ECD: variants seen among roughly 807,000 people sequenced by gnomAD.
The protein encoded by ECD is ecdysoneless cell cycle regulator.
In ECD, 59 loss-of-function variants were observed where a neutral mutation model predicts 77.2. The ratio of observed to expected loss-of-function variants is 0.76; its 90% CI spans 0.62 to 0.95. The LOEUF (loss-of-function observed/expected upper bound fraction) is 0.95, where lower values mean the gene tolerates loss of function less well. Ranked by LOEUF, ECD falls within the 40% of genes least tolerant of loss-of-function variation. The pLI, the probability that ECD is intolerant of heterozygous loss-of-function variation, is 0.00. For missense variants in ECD, 704 were observed against 763.4 expected, an observed-to-expected ratio of 0.92 and a Z score of 0.92; for synonymous variants, 233 against 267.4, an observed-to-expected ratio of 0.87 and a Z score of 1.26.
At chr10:73,160,110 AC>A (rs1470628615) in intron 3 of ECD, among the ~76,000 whole-genome samples, 1 of 150,818 alleles carries the variant, frequency 6.6e-6, no homozygotes. Context: ...AACATGGTGA[AC>A]CCTTGTCTCT....
At chr10:73,156,868 T>C (rs1843303768) in intron 3 of ECD, among the ~76,000 whole-genome samples, 1 of 151,950 alleles carries the variant, frequency 6.6e-6, no homozygotes, top group Non-Finnish European at 1.5e-5. Context: ...GTAGATATGA[T>C]AAGGAGAGAA....
intron 3 of ECD, among the ~76,000 whole-genome samples, chr10:73,159,292 A>G (rs1843343452): frequency 6.6e-6 from 1 of 152,230 alleles, no homozygotes; most frequent in African/African-American, 2.4e-5. Flanking sequence ...TTTTAACGTA[A>G]TGTTACCTAC....
chr10:73,141,339 TAAAAAAAAAAA>T (rs749192454), intron 9 of ECD: 1 of 94,916 alleles, frequency 1.1e-5, no homozygotes, highest in African/African-American at 4.2e-5. Flanking sequence ...CCGTCTCTAC[TAAAAAAAAAAA>T]AAAAAAAAAA....
At chr10:73,164,242 C>T (rs952242202) in intron 1 of ECD, among the ~76,000 whole-genome samples, 1 of 151,242 alleles carries the variant, frequency 6.6e-6, no homozygotes, top group African/African-American at 2.4e-5. Context: ...ATCCTAGCTA[C>T]TTGGGAGGCT....
intron 11 of ECD, among the ~76,000 whole-genome samples, chr10:73,139,056 T>G (rs1843014402): frequency 6.6e-6 from 1 of 152,162 alleles, no homozygotes; most frequent in Non-Finnish European, 1.5e-5. Flanking sequence ...GTAAAGTATA[T>G]GGTTTCCCTG....
At chr10:73,152,589 T>C (rs1843228228) in intron 6 of ECD, among the ~76,000 whole-genome samples, 168 bp from the exon 7 acceptor site, 1 of 152,188 alleles carries the variant, frequency 6.6e-6, no homozygotes, top group Non-Finnish European at 1.5e-5. Flanking sequence ...AACAGCTTTA[T>C]TGAGATACAA....
chr10:73,167,739 T>A (rs1843506526), intron 1 of ECD, 127 bp downstream of exon 1: 1 of 153,988 alleles, frequency 6.5e-6, no homozygotes, highest in African/African-American at 2.4e-5. Flanking sequence ...TCACTGTACA[T>A]ATGAGAAAAC....
At chr10:73,156,489 C>A (rs374353810) in intron 4 of ECD, 36 bp from the exon 5 acceptor site, 33 of 1,609,122 alleles carry the variant, frequency 2.1e-5, no homozygotes, top group Non-Finnish European at 2.7e-5. Context: ...ACAGTGGGCA[C>A]TGGCAAACTG....
chr10:73,158,219 C>G (rs1164376002), intron 3 of ECD, among the ~76,000 whole-genome samples: 3 of 151,934 alleles, frequency 2.0e-5, no homozygotes, highest in Non-Finnish European at 2.9e-5. Flanking sequence ...CTTCGACTTC[C>G]CAAAGCGTTG....
chr10:73,147,564 T>A (rs1366159546), intron 8 of ECD, among the ~76,000 whole-genome samples: 3 of 151,572 alleles, frequency 2.0e-5, no homozygotes, highest in East Asian at 3.9e-4. Context: ...AAAAAAAAAA[T>A]ACCATATATA....
intron 9 of ECD, among the ~76,000 whole-genome samples, chr10:73,142,653 A>G (rs1937041956): frequency 6.9e-6 from 1 of 144,196 alleles, no homozygotes; most frequent in South Asian, 2.2e-4. Context: ...AAAAAAAAAA[A>G]AATTGTAGAG....
chr10:73,160,672 G>A (rs1195610928), intron 2 of ECD, 121 bp from the exon 3 acceptor site: 5 of 662,898 alleles, frequency 7.5e-6, no homozygotes, highest in Non-Finnish European at 1.2e-5. Flanking sequence ...TGGGGAGCAG[G>A]GGTTGCAATC....
At chr10:73,150,137 C>T (rs1231712705) in intron 7 of ECD, among the ~76,000 whole-genome samples, 1 of 152,172 alleles carries the variant, frequency 6.6e-6, no homozygotes, top group Non-Finnish European at 1.5e-5. Flanking sequence ...TGCAAGGCTA[C>T]AGTAACCAAA....
In ECD at chr10:73,164,008, A is replaced by ACT. The variant is rs1295807912; in HGVS notation, c.-13-60_-13-59dup. On this transcript the variant is annotated intron_variant, in intron 1 of 13. Transcript: ENST00000372979. ...AGAACAATGCAGAAGTAACATCTGA[A>ACT]CTCTTTTAGATGGTTCTATGAACAC... The ACT allele has an allele frequency of 4.8e-6, 7 of 1,457,334 alleles. No individual in the cohort carries two copies. The African/African-American group carries it at 9.9e-5, about 21-fold the overall frequency. The allele number at this position is 1,457,334 out of a possible 1,614,324, so 90.3% of individuals were successfully genotyped here.
At chr10:73,156,114 T>G (rs1272301937) in intron 5 of ECD, among the ~76,000 whole-genome samples, 161 bp downstream of exon 5, 3 of 152,158 alleles carry the variant, frequency 2.0e-5, no homozygotes, top group Non-Finnish European at 4.4e-5. Context: ...GAAGACAAAA[T>G]GAAAATTAGC....
At chr10:73,153,729 A>G in intron 6 of ECD, among the ~76,000 whole-genome samples, 1 of 121,100 alleles carries the variant, frequency 8.3e-6, no homozygotes, top group Non-Finnish European at 1.7e-5. Flanking sequence ...CTGTCTCAAA[A>G]AAAAAAAAAA....
chr10:73,146,653 T>C (rs1003917201), intron 8 of ECD, among the ~76,000 whole-genome samples: 1 of 152,228 alleles, frequency 6.6e-6, no homozygotes, highest in Non-Finnish European at 1.5e-5. Context: ...TAAGATATAA[T>C]TGGCTGGGTG....
chr10:73,165,894 G>A (rs577488165), intron 1 of ECD, among the ~76,000 whole-genome samples: 4 of 151,894 alleles, frequency 2.6e-5, no homozygotes, highest in Non-Finnish European at 5.9e-5. Context: ...TCACCCTGTT[G>A]TGCTACCAAA....
In ECD at chr10:73,141,033, A is replaced by G. The variant is rs140441431; in HGVS notation, c.1128-1296T>C. ...TAAATGCTATGCTAACACTTTAAAT[A>G]CATTTTCTTATTGAGTCCTTTTGTT... is the stretch of plus-strand genomic sequence containing the variant. On this transcript the variant is annotated intron_variant, in intron 9 of 13. Coordinates refer to ENST00000372979, the MANE Select transcript of ECD (RefSeq NM_007265.3). Among the ~76,000 whole-genome samples, 400 of 152,244 alleles carry G rather than the reference A, an allele frequency of 2.6e-3. 1 individual carries two copies. Among genetic ancestry groups the G allele is most frequent in the African/African-American group, 9.2e-3 (381 of 41,564 alleles).
Sources: gnomAD v4.1 joint callset for allele counts (sites outside exome capture counted in the v4.1 genomes callset) on GRCh38, gnomAD v4.1.1 for gene constraint, MANE v1.5 for transcripts, NCBI Gene and HGNC (gene_info 2026-07-23, HGNC 2026-07-21) for gene names.